The following RNF180 variants were observed in gnomAD, a reference collection of about 807,000 sequenced individuals.
RNF180 encodes E3 ubiquitin-protein ligase RNF180.
A neutral mutation model predicts 59.2 loss-of-function variants in RNF180; 38 were observed. That is an observed-to-expected ratio of 0.64 (90% CI 0.50 to 0.84). The LOEUF is 0.84. Ranked by LOEUF, RNF180 falls within the 40% of genes least tolerant of loss-of-function variation. The probability of loss-of-function intolerance (pLI) is 0.00; values close to 1 mark genes in which losing one functional copy is unlikely to be tolerated. For synonymous variants in RNF180, 262 were observed against 240.3 expected (o/e 1.09, Z -0.84); for missense variants, 705 against 700.9 (o/e 1.01, Z -0.07).
chr5:64,337,434 A>T (rs1326875548), intron 7 of RNF180, among the ~76,000 whole-genome samples: 1 of 152,082 alleles, frequency 6.6e-6, no homozygotes, highest in Non-Finnish European at 1.5e-5. Context: ...TACTTTTCTG[A>T]ATATTATACA....
intron 7 of RNF180, among the ~76,000 whole-genome samples, chr5:64,363,924 G>A (rs1746351052): frequency 6.6e-6 from 1 of 151,738 alleles, no homozygotes; most frequent in African/African-American, 2.4e-5. Context: ...AGTGAGTTTT[G>A]CATATTGAGT....
intron 5 of RNF180, among the ~76,000 whole-genome samples, chr5:64,238,621 T>C (rs1742593754): frequency 6.6e-6 from 1 of 152,216 alleles, no homozygotes; most frequent in African/African-American, 2.4e-5. Context: ...ATACCTGTTG[T>C]TCATTTGCAT....
At chr5:64,326,354 T>C (rs6449715) in intron 6 of RNF180, among the ~76,000 whole-genome samples, 68,015 of 151,970 alleles carry the variant, frequency 0.45, 16,600 homozygotes, top group African/African-American at 0.65. Flanking sequence ...CTAAATCTTA[T>C]TTAATAGAAA....
intron 5 of RNF180, among the ~76,000 whole-genome samples, chr5:64,262,209 T>C (rs1220992754): frequency 6.6e-6 from 1 of 152,164 alleles, no homozygotes; most frequent in Non-Finnish European, 1.5e-5. Context: ...GGGTAAATAA[T>C]ATATATATTT....
chr5:64,370,739 A>C lies in RNF180; in HGVS notation c.*925A>C, dbSNP rs1431405839. 2.0e-5 allele frequency: 3 copies of C among 151,700 alleles called. No homozygotes were observed. Among genetic ancestry groups the C allele is most frequent in the Non-Finnish European group, 4.4e-5 (3 of 67,766 alleles). The allele number at this position is 151,700 out of a possible 1,614,324, so 9.4% of individuals were successfully genotyped here. ...TTTTTTTCATTATTAAAATTTAAAAATAAGAGAACTGAATCATTAGAACAT... is the reference window on the plus strand; with the variant it reads ...TTTTTTTCATTATTAAAATTTAAAACTAAGAGAACTGAATCATTAGAACAT... On this transcript the variant is annotated 3_prime_UTR_variant, in exon 8 of 8. Coordinates refer to ENST00000389100, the MANE Select transcript of RNF180 (RefSeq NM_001113561.2).
intron 5 of RNF180, among the ~76,000 whole-genome samples, chr5:64,249,947 A>G (rs553662963): frequency 1.3e-5 from 2 of 152,154 alleles, no homozygotes; most frequent in South Asian, 4.1e-4. Context: ...AACTTAAACT[A>G]CTCTAGATCA....
chr5:64,203,367 C>T (rs1463385405), intron 2 of RNF180, among the ~76,000 whole-genome samples: 1 of 152,106 alleles, frequency 6.6e-6, no homozygotes, highest in African/African-American at 2.4e-5. Context: ...CCATAAAATT[C>T]ACCCATTGTT....
At chr5:64,276,433 A>C (rs549215382) in intron 5 of RNF180, among the ~76,000 whole-genome samples, 1 of 151,984 alleles carries the variant, frequency 6.6e-6, no homozygotes, top group South Asian at 2.1e-4. Context: ...AGAAAGGAAT[A>C]AAGCAGGAAA....
At chr5:64,274,214 T>G (rs758894770) in intron 5 of RNF180, among the ~76,000 whole-genome samples, 3 of 152,042 alleles carry the variant, frequency 2.0e-5, no homozygotes, top group Admixed American at 6.6e-5. Flanking sequence ...TAATTTTGTC[T>G]TCTTTAACCC....
chr5:64,249,006 A>G (rs1259234332), intron 5 of RNF180, among the ~76,000 whole-genome samples: 1 of 152,212 alleles, frequency 6.6e-6, no homozygotes, highest in Non-Finnish European at 1.5e-5. Context: ...ACACAGGAAT[A>G]GAAAACCAAA....
At chr5:64,316,105 A>G (rs1343484277) in intron 5 of RNF180, among the ~76,000 whole-genome samples, 1 of 152,130 alleles carries the variant, frequency 6.6e-6, no homozygotes, top group Admixed American at 6.6e-5. Flanking sequence ...TTTTTGTTAG[A>G]AACAGGGTCT....
chr5:64,168,047 C>T (rs1749744416), intron 1 of RNF180, among the ~76,000 whole-genome samples: 1 of 152,076 alleles, frequency 6.6e-6, no homozygotes, highest in African/African-American at 2.4e-5. Context: ...CAAGTAGTCA[C>T]CTCAGGAGGC....
chr5:64,248,266 TTAAAC>T (rs1425344884), intron 5 of RNF180, among the ~76,000 whole-genome samples: 7 of 152,058 alleles, frequency 4.6e-5, no homozygotes, highest in African/African-American at 7.2e-5. Flanking sequence ...ATGGGCCTAA[TTAAAC>T]TAAAGAGCTT....
intron 5 of RNF180, among the ~76,000 whole-genome samples, chr5:64,292,565 C>T (rs984250790): frequency 6.6e-6 from 1 of 152,192 alleles, no homozygotes; most frequent in Non-Finnish European, 1.5e-5. Context: ...TAGGAGGTGT[C>T]TGGATACCTC....
At chr5:64,340,424 T>C (rs543013008) in intron 7 of RNF180, among the ~76,000 whole-genome samples, 1 of 152,342 alleles carries the variant, frequency 6.6e-6, no homozygotes, top group South Asian at 2.1e-4. Flanking sequence ...CTGAAGGTGT[T>C]AGATTGGTGC....
chr5:64,280,839 G>A (rs1395170588), intron 5 of RNF180, among the ~76,000 whole-genome samples: 1 of 152,272 alleles, frequency 6.6e-6, no homozygotes, highest in South Asian at 2.1e-4. Flanking sequence ...TGTGGAAAAT[G>A]TCATTGGTAG....
chr5:64,361,419 T>C (rs1225444830), intron 7 of RNF180, among the ~76,000 whole-genome samples: 1 of 151,500 alleles, frequency 6.6e-6, no homozygotes, highest in African/African-American at 2.4e-5. Flanking sequence ...GAGAAAACCA[T>C]ATGAACATCT....
chr5:64,330,472 C>G, intron 7 of RNF180, 66 bp downstream of exon 7: 1 of 1,375,480 alleles, frequency 7.3e-7, no homozygotes, highest in Non-Finnish European at 9.9e-7. Context: ...TTAAAAGTAA[C>G]TTCCTGCTGT....
chr5:64,264,394 C>T (rs187710721), intron 5 of RNF180, among the ~76,000 whole-genome samples: 6 of 152,162 alleles, frequency 3.9e-5, no homozygotes, highest in African/African-American at 9.6e-5. Flanking sequence ...CTCCCACCCC[C>T]GACAGGCCCC....
Sources: gnomAD v4.1 joint callset for allele counts (sites outside exome capture counted in the v4.1 genomes callset) on GRCh38, gnomAD v4.1.1 for gene constraint, MANE v1.5 for transcripts, NCBI Gene and HGNC (gene_info 2026-07-23, HGNC 2026-07-21) for gene names.